MRAP2: variants seen among roughly 807,000 people sequenced by gnomAD.
The protein encoded by MRAP2 is melanocortin 2 receptor accessory protein 2.
In MRAP2, 20 loss-of-function variants were observed where a neutral mutation model predicts 17.4. That is an observed-to-expected ratio of 1.15 (90% CI 0.81 to 1.67). The LOEUF (loss-of-function observed/expected upper bound fraction) is 1.67, where lower values mean the gene tolerates loss of function less well. Ranked by LOEUF, MRAP2 falls within the 40% of genes most tolerant of loss-of-function variation. The pLI is 0.00. For synonymous variants in MRAP2, 96 were observed against 88.4 expected, an observed-to-expected ratio of 1.09 and a Z score of -0.48; for missense variants, 238 against 240.0, an observed-to-expected ratio of 0.99 and a Z score of 0.05.
chr6:84,065,167 C>T (rs2099494325), intron 3 of MRAP2, among the ~76,000 whole-genome samples: 1 of 151,998 alleles, frequency 6.6e-6, no homozygotes, highest in South Asian at 2.1e-4. Context: ...CACCTGTAGT[C>T]CCAGCTACTC....
the MRAP2 span, chr6:84,126,657 C>G: frequency 1.8e-6 from 1 of 544,840 alleles, no homozygotes; most frequent in Non-Finnish European, 3.0e-6. Flanking sequence ...CTTTCATTCT[C>G]TATATCCAGA....
rs2099501276 is a variant in MRAP2 at position 84,089,418 on chromosome 6, T to C, written c.555T>C (p.Ser185=). The C allele has an allele frequency of 4.3e-6, 7 of 1,614,130 alleles. No homozygotes were observed. Among genetic ancestry groups the C allele is most frequent in the Middle Eastern group, 1.6e-4 (1 of 6,062 alleles). ...NYFGEDDLLI[S]EPPIVLETKP... is the part of the protein sequence containing the mutation. ...TTGGGGAGGATGATCTTCTGATTTCTGAACCACCTATTGTTCTGGAAACTA... is the reference window on the plus strand; with the variant it reads ...TTGGGGAGGATGATCTTCTGATTTCCGAACCACCTATTGTTCTGGAAACTA... Residue 185 remains serine, a synonymous_variant, in exon 4 of 4, where the codon TCT becomes TCC. Transcript: ENST00000257776.
At chr6:84,137,038 A>G in the MRAP2 span, among the ~76,000 whole-genome samples, 3 of 152,228 alleles carry the variant, frequency 2.0e-5, no homozygotes, top group African/African-American at 7.2e-5. Flanking sequence ...AAGGATTAGT[A>G]TAAGAGATAT....
At chr6:84,112,394 G>A in the MRAP2 span, among the ~76,000 whole-genome samples, 1 of 152,218 alleles carries the variant, frequency 6.6e-6, no homozygotes, top group East Asian at 1.9e-4. Context: ...TTTGCACAGG[G>A]GTGTTTATAG....
chr6:84,126,238 T>C, the MRAP2 span: 2 of 529,930 alleles, frequency 3.8e-6, no homozygotes, highest in Non-Finnish European at 5.9e-6. Context: ...AAGTTATAAA[T>C]TTATTAAATT....
At chr6:84,063,423 A>C in intron 3 of MRAP2, 1 of 984,848 alleles carries the variant, frequency 1.0e-6, no homozygotes, top group Non-Finnish European at 1.2e-6. Context: ...TTGTTCCTGG[A>C]TACTCAACTC....
At chr6:84,058,666 C>G (rs2099492301) in intron 2 of MRAP2, among the ~76,000 whole-genome samples, 1 of 152,144 alleles carries the variant, frequency 6.6e-6, no homozygotes, top group Admixed American at 6.5e-5. Context: ...GAGTCCAATG[C>G]TGAGCCCTGG....
chr6:84,085,267 G>T (rs1173777341), intron 3 of MRAP2, among the ~76,000 whole-genome samples: 1 of 152,046 alleles, frequency 6.6e-6, no homozygotes, highest in Non-Finnish European at 1.5e-5. Flanking sequence ...TGTTGGCCAG[G>T]ATGGTCTCGA....
the MRAP2 span, among the ~76,000 whole-genome samples, chr6:84,133,465 T>C: frequency 6.6e-6 from 1 of 151,880 alleles, no homozygotes; most frequent in African/African-American, 2.4e-5. Flanking sequence ...AGAGGTGGAG[T>C]CTATAGAGGC....
chr6:84,094,760 C>T (rs1296359124), downstream of MRAP2, among the ~76,000 whole-genome samples: 3 of 151,792 alleles, frequency 2.0e-5, no homozygotes, highest in East Asian at 1.9e-4. Context: ...GGCGTGATCT[C>T]GGCTCACTGC....
At chr6:84,117,393 G>A in the MRAP2 span, among the ~76,000 whole-genome samples, 3 of 152,118 alleles carry the variant, frequency 2.0e-5, no homozygotes, top group Non-Finnish European at 4.4e-5. Flanking sequence ...CATAGAATGA[G>A]TTAGGGAGGA....
intron 3 of MRAP2, among the ~76,000 whole-genome samples, chr6:84,076,008 G>C (rs888817269): frequency 6.6e-6 from 1 of 152,086 alleles, no homozygotes; most frequent in Non-Finnish European, 1.5e-5. Context: ...GCTATGAAAG[G>C]GTAGAAAATC....
intron 2 of MRAP2, among the ~76,000 whole-genome samples, chr6:84,060,071 A>G (rs2099492710): frequency 6.6e-6 from 1 of 152,220 alleles, no homozygotes; most frequent in South Asian, 2.1e-4. Flanking sequence ...GGGGGAAATT[A>G]GTGGAAATAA....
At chr6:84,039,460 A>G (rs2099486963) in intron 1 of MRAP2, among the ~76,000 whole-genome samples, 1 of 152,166 alleles carries the variant, frequency 6.6e-6, no homozygotes, top group Non-Finnish European at 1.5e-5. Flanking sequence ...GAGAGGTGGA[A>G]ACTGTGCATT....
At chr6:84,087,531 A>G (rs977869831) in intron 3 of MRAP2, among the ~76,000 whole-genome samples, 3 of 152,172 alleles carry the variant, frequency 2.0e-5, no homozygotes, top group African/African-American at 7.2e-5. Flanking sequence ...TTATCAGGTC[A>G]CAGGTTGCTG....
the MRAP2 span, among the ~76,000 whole-genome samples, chr6:84,131,978 A>G: frequency 2.0e-5 from 3 of 152,168 alleles, no homozygotes; most frequent in African/African-American, 7.2e-5. Flanking sequence ...AGTGGCTGGT[A>G]CCAGTCGTTC....
chr6:84,062,914 G>T lies in MRAP2; in HGVS notation c.149G>T (p.Trp50Leu). The change falls in exon 3 of 4, where the codon TGG (tryptophan) becomes TTG (leucine). Residue 50 changes from tryptophan to leucine, a missense_variant. Trp to Leu is a moderately conservative substitution (Grantham distance 61, BLOSUM62 -2). Transcript: ENST00000257776. ...AHKYSIVIGF[W>L]VGLAVFVIFM... Reference sequence around the variant, plus strand: ...TCAGATTCCATTGTGATTGGATTTTGGGTTGGTCTTGCAGTCTTCGTGATT... The same window carrying T: ...TCAGATTCCATTGTGATTGGATTTTTGGTTGGTCTTGCAGTCTTCGTGATT... 1 of 1,614,156 alleles carries T rather than the reference G, an allele frequency of 6.2e-7. No homozygotes were observed. The highest frequency in any genetic ancestry group is 8.5e-7 in the Non-Finnish European group (1 of 1,180,006).
At chr6:84,034,316 C>G (rs908185166) in intron 1 of MRAP2, among the ~76,000 whole-genome samples, 9 of 152,252 alleles carry the variant, frequency 5.9e-5, no homozygotes, top group South Asian at 2.1e-4. Context: ...GGGAAATGTG[C>G]TGGCTCCTGG....
downstream of MRAP2, among the ~76,000 whole-genome samples, chr6:84,094,838 C>A (rs970948499): frequency 6.6e-6 from 1 of 151,902 alleles, no homozygotes. Context: ...ACTACAGGTG[C>A]GCACCACCGC....
Sources: allele counts gnomAD v4.1 joint callset (sites outside exome capture counted in the v4.1 genomes callset), GRCh38; gene constraint gnomAD v4.1.1; transcripts MANE v1.5; gene names NCBI Gene and HGNC (gene_info 2026-07-23, HGNC 2026-07-21).